PRKCE: variants seen among roughly 807,000 people sequenced by gnomAD.
The protein encoded by PRKCE is protein kinase C epsilon, also known as protein kinase C epsilon type.
PRKCE carries 16 observed loss-of-function variants against 85.4 expected under a neutral mutation model. The ratio of observed to expected loss-of-function variants is 0.19; its 90% CI spans 0.13 to 0.28. PRKCE has a LOEUF of 0.28. Among genes scored for constraint, PRKCE ranks in the 10% least tolerant of loss-of-function variants. The pLI is 1.00. For synonymous variants in PRKCE, 388 were observed against 371.5 expected, an observed-to-expected ratio of 1.04 and a Z score of -0.51; for missense variants, 573 against 975.2, an observed-to-expected ratio of 0.59 and a Z score of 5.49.
chr2:45,872,469 C>G (rs1694170351), intron 2 of PRKCE, among the ~76,000 whole-genome samples: 2 of 152,132 alleles, frequency 1.3e-5, no homozygotes, highest in African/African-American at 2.4e-5. Context: ...AGAGGAGTGG[C>G]CTGACCTGAG....
intron 10 of PRKCE, among the ~76,000 whole-genome samples, chr2:46,014,365 C>G (rs746102351): frequency 6.6e-6 from 1 of 152,212 alleles, no homozygotes; most frequent in Admixed American, 6.5e-5. Context: ...GGTCCTCCCT[C>G]TTACAACTAA....
At chr2:45,824,216 C>T (rs1201381742) in intron 1 of PRKCE, among the ~76,000 whole-genome samples, 1 of 152,220 alleles carries the variant, frequency 6.6e-6, no homozygotes, top group Non-Finnish European at 1.5e-5. Context: ...GTTGTTAACA[C>T]AATTAGTTCC....
chr2:45,970,746 C>G (rs2104491437), intron 2 of PRKCE, among the ~76,000 whole-genome samples: 1 of 152,056 alleles, frequency 6.6e-6, no homozygotes, highest in East Asian at 1.9e-4. Flanking sequence ...GATTATGTAG[C>G]TGAATGTCTT....
intron 2 of PRKCE, among the ~76,000 whole-genome samples, chr2:45,844,673 A>G (rs1183134165): frequency 6.6e-6 from 1 of 152,192 alleles, no homozygotes; most frequent in Non-Finnish European, 1.5e-5. Flanking sequence ...TCCTTACATA[A>G]TCTGTGTGCA....
chr2:45,866,844 A>G (rs1693656728), intron 2 of PRKCE, among the ~76,000 whole-genome samples: 1 of 152,220 alleles, frequency 6.6e-6, no homozygotes, highest in South Asian at 2.1e-4. Context: ...GGAAAATTCT[A>G]TTGGCCAGCA....
chr2:45,826,451 G>A (rs1689947893), intron 1 of PRKCE, among the ~76,000 whole-genome samples: 1 of 152,170 alleles, frequency 6.6e-6, no homozygotes. Context: ...GTCATTTTGG[G>A]TTAGGTTTTA....
chr2:45,955,405 C>G (rs943557496), intron 2 of PRKCE, among the ~76,000 whole-genome samples: 3 of 152,184 alleles, frequency 2.0e-5, no homozygotes, highest in Admixed American at 2.0e-4. Context: ...AGGCCCGTAG[C>G]ATAAAAGTAG....
intron 2 of PRKCE, among the ~76,000 whole-genome samples, chr2:45,975,842 G>C (rs1482047603): frequency 6.6e-6 from 1 of 152,130 alleles, no homozygotes; most frequent in African/African-American, 2.4e-5. Flanking sequence ...CTCTCCTTTT[G>C]ACCTCTGGGA....
chr2:45,968,005 C>G (rs994485830), intron 2 of PRKCE, among the ~76,000 whole-genome samples: 1 of 152,180 alleles, frequency 6.6e-6, no homozygotes. Context: ...GTGCCCTGAA[C>G]ACAAAGGGTA....
chr2:45,976,857 CTG>C (rs56287103), intron 3 of PRKCE, among the ~76,000 whole-genome samples: 29,721 of 134,628 alleles, frequency 0.22, 2,901 homozygotes, highest in Middle Eastern at 0.25. Flanking sequence ...GATATTGTGA[CTG>C]TGTGTGTGTG....
intron 2 of PRKCE, among the ~76,000 whole-genome samples, chr2:45,898,183 C>A (rs959659666): frequency 6.6e-6 from 1 of 152,170 alleles, no homozygotes; most frequent in Non-Finnish European, 1.5e-5. Flanking sequence ...CACAACTCAT[C>A]GCTTCACCTT....
intron 2 of PRKCE, among the ~76,000 whole-genome samples, chr2:45,944,937 A>G (rs1279743122): frequency 6.6e-6 from 1 of 151,918 alleles, no homozygotes; most frequent in African/African-American, 2.4e-5. Context: ...GAGTGGGGAC[A>G]CCTGTTTTTG....
rs79717622 is a variant in PRKCE, at chr2:45,944,049, A to G, written c.413-32380A>G. Among the ~76,000 whole-genome samples the G allele has an allele frequency of 1.9e-4, 29 of 152,360 alleles. 1 individual carries two copies. In the East Asian group the frequency reaches 4.2e-3, roughly 22 times the overall value. ...GATGGCTGAGTCAGATGTGGAAAGA[A>G]TATAGGTATTATGAATCTATTCCAG... is the stretch of plus-strand genomic sequence containing the variant. On this transcript the variant is annotated intron_variant, in intron 2 of 14. Transcript: ENST00000306156.
intron 1 of PRKCE, among the ~76,000 whole-genome samples, chr2:45,708,597 C>T (rs1201171703): frequency 1.3e-5 from 2 of 152,244 alleles, no homozygotes; most frequent in Admixed American, 1.3e-4. Flanking sequence ...CCTCCCCAGC[C>T]ACGTGGAACT....
At chr2:46,123,739 G>T (rs528554175) in intron 11 of PRKCE, among the ~76,000 whole-genome samples, 2 of 152,278 alleles carry the variant, frequency 1.3e-5, no homozygotes, top group African/African-American at 4.8e-5. Flanking sequence ...ACCTGCCTCA[G>T]CCTCCCAAAG....
At chr2:46,106,384 A>T (rs954902481) in intron 11 of PRKCE, among the ~76,000 whole-genome samples, 1 of 152,198 alleles carries the variant, frequency 6.6e-6, no homozygotes. Flanking sequence ...TTCCCAGTAT[A>T]TATGCATAGA....
chr2:45,892,603 T>G (rs1043308893), intron 2 of PRKCE, among the ~76,000 whole-genome samples: 1 of 152,138 alleles, frequency 6.6e-6, no homozygotes, highest in Admixed American at 6.5e-5. Context: ...GGAGTTGCCT[T>G]GGTTGTATGC....
chr2:45,700,454 T>A (rs1400474388), intron 1 of PRKCE: 2 of 151,658 alleles, frequency 1.3e-5, no homozygotes, highest in African/African-American at 4.9e-5. Context: ...ATTGGTTCGG[T>A]GAGGAAGGGA....
At chr2:45,667,331 C>T (rs1675963396) in intron 1 of PRKCE, among the ~76,000 whole-genome samples, 1 of 151,878 alleles carries the variant, frequency 6.6e-6, no homozygotes, top group South Asian at 2.1e-4. Context: ...TTTTTTTTAT[C>T]GAGATGGAGT....
Sources: gnomAD v4.1 joint callset for allele counts (sites outside exome capture counted in the v4.1 genomes callset) on GRCh38, gnomAD v4.1.1 for gene constraint, MANE v1.5 for transcripts, NCBI Gene and HGNC (gene_info 2026-07-23, HGNC 2026-07-21) for gene names.